OR5AR1: variants seen among roughly 807,000 people sequenced by gnomAD.
OR5AR1 encodes olfactory receptor 5AR1.
A neutral mutation model predicts 12.3 loss-of-function variants in OR5AR1; 19 were observed. The ratio of observed to expected loss-of-function variants is 1.55; its 90% confidence interval spans 1.08 to 2.27. The LOEUF (loss-of-function observed/expected upper bound fraction) is 2.27, where lower values mean the gene tolerates loss of function less well. OR5AR1 is among the 30% of genes most tolerant of loss of function. The pLI is 0.00. For missense variants in OR5AR1, 432 were observed against 378.4 expected (o/e 1.14, Z -1.18); for synonymous variants, 156 against 138.8 (o/e 1.12, Z -0.87).
At position 56,664,000 on chromosome 11, in the gene OR5AR1, AGGTTTTGT is replaced by A; in HGVS notation, c.318_325del (p.Phe107CysfsTer2). ...GTGCCACCCAGTTTGCTTTTTTTGT[AGGTTTTGT>A]GGATGCTGAGTGCTATGTCCTGGCA... On this transcript the variant is annotated frameshift_variant, in exon 1 of 1. Coordinates refer to ENST00000624596, the MANE Select transcript of OR5AR1 (RefSeq NM_001004730.1). LOFTEE classifies it high-confidence loss of function. 1 of 1,613,822 alleles carries A rather than the reference AGGTTTTGT, an allele frequency of 6.2e-7. No homozygotes were observed. The highest frequency in any genetic ancestry group is 8.5e-7 in the Non-Finnish European group (1 of 1,179,954).
Position 56,664,523 on chromosome 11 carries a change from G to T in OR5AR1, c.838G>T (p.Val280Phe). 2 of 1,614,010 alleles carry T rather than the reference G, an allele frequency of 1.2e-6. No individual in the cohort carries two copies. The highest frequency in any genetic ancestry group is 1.7e-6 in the Non-Finnish European group (2 of 1,179,976). ...CAAGTGGGCCTCTGTGTTCTACACG[G>T]TTATCATCCCCATGTTAAATCCCTT... ...QDKWASVFYT[V>F]IIPMLNPLIY... The change falls in exon 1 of 1, where the codon GTT becomes TTT. Residue 280 changes from valine (V) to phenylalanine (F), a missense_variant. By Grantham distance (50) the Val-to-Phe change is conservative. Transcript: ENST00000624596.
At position 56,664,448 on chromosome 11, in the gene OR5AR1, G is replaced by A; in HGVS notation, c.763G>A (p.Val255Ile). The A allele has an allele frequency of 6.2e-7, 1 of 1,614,132 alleles. No homozygotes were observed. Residue 255 changes from valine (V) to isoleucine (I), a missense_variant, in exon 1 of 1, where the codon GTC becomes ATC. By Grantham distance (29) the Val-to-Ile change is conservative. Coordinates refer to ENST00000624596, the MANE Select transcript of OR5AR1 (RefSeq NM_001004730.1). ...TGGCATCACCCTCTTCTATGGCACA[G>A]TCATGTTTATGTACCTGAGGCCAAC... ...LTGITLFYGT[V>I]MFMYLRPTSS...
In OR5AR1 at chr11:56,664,455, T is replaced by G; in HGVS notation, c.770T>G (p.Phe257Cys). The part of the protein sequence containing the change: ...GITLFYGTVM[F>C]MYLRPTSSYS... ...ACCCTCTTCTATGGCACAGTCATGT[T>G]TATGTACCTGAGGCCAACATCCAGC... The change falls in exon 1 of 1, where the codon TTT becomes TGT. Residue 257 changes from phenylalanine (F) to cysteine (C), a missense_variant. Transcript: ENST00000624596. 6.2e-7 allele frequency: 1 copy of G among 1,614,138 alleles called. No homozygotes were observed. The highest frequency in any genetic ancestry group is 8.5e-7 in the Non-Finnish European group (1 of 1,180,020).
chr11:56,664,221 G>A lies in OR5AR1; in HGVS notation c.536G>A (p.Cys179Tyr). The A allele has an allele frequency of 2.5e-6, 4 of 1,614,038 alleles. No homozygotes were observed. Among genetic ancestry groups the A allele is most frequent in the Non-Finnish European group, 2.5e-6 (3 of 1,180,002 alleles). The change falls in exon 1 of 1, where the codon TGC becomes TAC. Residue 179 changes from cysteine to tyrosine, a missense_variant. Coordinates refer to ENST00000624596, the MANE Select transcript of OR5AR1 (RefSeq NM_001004730.1). Reference sequence around the variant, plus strand: ...TCCAATATCATCAATCATTTCTTCTGCGAAATCCCACCACTCTTGGCCCTC... The same window carrying A: ...TCCAATATCATCAATCATTTCTTCTACGAAATCCCACCACTCTTGGCCCTC... ...CGSNIINHFF[C>Y]EIPPLLALSC...
chr11:56,664,573 T>A lies in OR5AR1; in HGVS notation c.888T>A (p.Asp296Glu), dbSNP rs748637725. 1 of 1,600,718 alleles carries A rather than the reference T, an allele frequency of 6.2e-7. No individual in the cohort carries two copies. Among genetic ancestry groups the A allele is most frequent in the Non-Finnish European group, 8.5e-7 (1 of 1,173,946 alleles). Reference protein sequence around the residue: ...NPLIYSLRNKDVKAAFKKLIG... With the variant: ...NPLIYSLRNKEVKAAFKKLIG... Reference sequence around the variant, plus strand: ...TGATCTACAGTTTGCGGAACAAGGATGTGAAAGCTGCTTTCAAAAAGCTAA... The same window carrying A: ...TGATCTACAGTTTGCGGAACAAGGAAGTGAAAGCTGCTTTCAAAAAGCTAA... Residue 296 changes from aspartate to glutamate, a missense_variant, in exon 1 of 1, where the codon GAT becomes GAA. Coordinates refer to ENST00000624596, the MANE Select transcript of OR5AR1 (RefSeq NM_001004730.1).
chr11:56,663,839 G>C lies in OR5AR1; in HGVS notation c.154G>C (p.Asp52His). ...TGGTATGATTATCCTGATTACAACA[G>C]ACACTCAGCTTCACACACCCATGTA... The part of the protein sequence containing the change: ...NIGMIILITT[D>H]TQLHTPMYFF... The change falls in exon 1 of 1, where the codon GAC becomes CAC. Residue 52 changes from aspartate to histidine, a missense_variant. Coordinates refer to ENST00000624596, the MANE Select transcript of OR5AR1 (RefSeq NM_001004730.1). The C allele has an allele frequency of 6.2e-7, 1 of 1,614,014 alleles. No homozygotes were observed. The highest frequency in any genetic ancestry group is 8.5e-7 in the Non-Finnish European group (1 of 1,179,948).
Position 56,664,079 on chromosome 11 carries a change from T to A in OR5AR1, c.394T>A (p.Tyr132Asn), listed in dbSNP as rs1229202181. Residue 132 changes from tyrosine to asparagine, a missense_variant, in exon 1 of 1, where the codon TAT (tyrosine) becomes AAT (asparagine). Coordinates refer to ENST00000624596, the MANE Select transcript of OR5AR1 (RefSeq NM_001004730.1). The part of the protein sequence containing the change: ...RFVAICRPLH[Y>N]STFMSKQVCL... The stretch of plus-strand genomic sequence containing the variant: ...TGTGGCCATTTGTCGACCCCTCCAC[T>A]ATAGCACCTTCATGTCCAAGCAGGT... 1 of 1,613,300 alleles carries A rather than the reference T, an allele frequency of 6.2e-7. No individual in the cohort carries two copies. The highest frequency in any genetic ancestry group is 1.3e-5 in the African/African-American group (1 of 74,800).
In OR5AR1 at chr11:56,664,343, T is replaced by G. The variant is rs758403935; in HGVS notation, c.658T>G (p.Phe220Val). 2 of 1,614,102 alleles carry G rather than the reference T, an allele frequency of 1.2e-6. No individual in the cohort carries two copies. The highest frequency in any genetic ancestry group is 1.7e-6 in the Non-Finnish European group (2 of 1,180,000). ...TILIIFISYT[F>V]ILVAIIRMRS... Reference sequence around the variant, plus strand: ...CCTCATCATCTTCATCTCCTATACCTTTATCCTTGTTGCAATCATCAGAAT... The same window carrying G: ...CCTCATCATCTTCATCTCCTATACCGTTATCCTTGTTGCAATCATCAGAAT... The change falls in exon 1 of 1, where the codon TTT becomes GTT. Residue 220 changes from phenylalanine to valine, a missense_variant. Phe to Val is a conservative substitution (Grantham distance 50). Transcript: ENST00000624596.
Position 56,663,869 on chromosome 11 carries a change from T to A in OR5AR1, c.184T>A (p.Phe62Ile). 1 of 1,614,118 alleles carries A rather than the reference T, an allele frequency of 6.2e-7. No homozygotes were observed. The highest frequency in any genetic ancestry group is 8.5e-7 in the Non-Finnish European group (1 of 1,180,018). Residue 62 changes from phenylalanine (F) to isoleucine (I), a missense_variant, in exon 1 of 1, where the codon TTC becomes ATC. Coordinates refer to ENST00000624596, the MANE Select transcript of OR5AR1 (RefSeq NM_001004730.1). ...DTQLHTPMYF[F>I]LCNLSFVDLG... The stretch of plus-strand genomic sequence containing the variant: ...TCAGCTTCACACACCCATGTATTTT[T>A]TCCTCTGCAACCTCTCCTTTGTTGA...
At position 56,664,050 on chromosome 11, in the gene OR5AR1, G is replaced by T. The variant is rs143043362; in HGVS notation, c.365G>T (p.Arg122Leu). Residue 122 changes from arginine to leucine, a missense_variant, in exon 1 of 1, where the codon CGT becomes CTT. Physicochemically the swap from Arg to Leu is moderately radical, Grantham distance 102. Transcript: ENST00000624596. ...CYVLAAMAYGRFVAICRPLHY... is the reference protein window; with the variant it reads ...CYVLAAMAYGLFVAICRPLHY... ...GTCCTGGCAGCCATGGCCTATGGTC[G>T]TTTTGTGGCCATTTGTCGACCCCTC... 1 of 1,613,856 alleles carries T rather than the reference G, an allele frequency of 6.2e-7. No individual in the cohort carries two copies. The highest frequency in any genetic ancestry group is 1.3e-5 in the African/African-American group (1 of 74,876).
chr11:56,664,301 A>G lies in OR5AR1; in HGVS notation c.616A>G (p.Ile206Val). Residue 206 changes from isoleucine to valine, a missense_variant, in exon 1 of 1, where the codon ATT becomes GTT. Coordinates refer to ENST00000624596, the MANE Select transcript of OR5AR1 (RefSeq NM_001004730.1). Reference sequence around the variant, plus strand: ...CTTGCTCTTCAGTCTGTGTGGCTTCATTGAATTCAGCACCATCCTCATCAT... The same window carrying G: ...CTTGCTCTTCAGTCTGTGTGGCTTCGTTGAATTCAGCACCATCCTCATCAT... ...EILLFSLCGF[I>V]EFSTILIIFI... The G allele has an allele frequency of 6.2e-7, 1 of 1,614,150 alleles. No homozygotes were observed. The highest frequency in any genetic ancestry group is 8.5e-7 in the Non-Finnish European group (1 of 1,180,010).
In OR5AR1 at chr11:56,664,220, T is replaced by A. The variant is rs766728062; in HGVS notation, c.535T>A (p.Cys179Ser). 6.2e-7 allele frequency: 1 copy of A among 1,614,164 alleles called. No individual in the cohort carries two copies. Among genetic ancestry groups the A allele is most frequent in the Admixed American group, 1.7e-5 (1 of 60,010 alleles). ...TTCCAATATCATCAATCATTTCTTCTGCGAAATCCCACCACTCTTGGCCCT... is the reference window on the plus strand; with the variant it reads ...TTCCAATATCATCAATCATTTCTTCAGCGAAATCCCACCACTCTTGGCCCT... Reference protein sequence around the residue: ...CGSNIINHFFCEIPPLLALSC... With the variant: ...CGSNIINHFFSEIPPLLALSC... The change falls in exon 1 of 1, where the codon TGC becomes AGC. Residue 179 changes from cysteine (C) to serine (S), a missense_variant. Physicochemically the swap from Cys to Ser is moderately radical, Grantham distance 112. Transcript: ENST00000624596.
rs778111859 is a variant in OR5AR1 at position 56,664,204 on chromosome 11, CATCA to C, written c.524_527del (p.Asn175IlefsTer85). 5 of 1,614,118 alleles carry C rather than the reference CATCA, an allele frequency of 3.1e-6. No individual in the cohort carries two copies. The highest frequency in any genetic ancestry group is 4.2e-6 in the Non-Finnish European group (5 of 1,180,022). On this transcript the variant is annotated frameshift_variant, in exon 1 of 1. Coordinates refer to ENST00000624596, the MANE Select transcript of OR5AR1 (RefSeq NM_001004730.1). LOFTEE classifies it high-confidence loss of function. ...GCCTGAGTTACTGTGGTTCCAATAT[CATCA>C]ATCATTTCTTCTGCGAAATCCCACC... is the stretch of plus-strand genomic sequence containing the variant.
chr11:56,664,023 A>C lies in OR5AR1; in HGVS notation c.338A>C (p.Tyr113Ser). Residue 113 changes from tyrosine to serine, a missense_variant, in exon 1 of 1, where the codon TAT (tyrosine) becomes TCT (serine). Coordinates refer to ENST00000624596, the MANE Select transcript of OR5AR1 (RefSeq NM_001004730.1). Reference protein sequence around the residue: ...FFVGFVDAECYVLAAMAYGRF... With the variant: ...FFVGFVDAECSVLAAMAYGRF... ...GTAGGTTTTGTGGATGCTGAGTGCT[A>C]TGTCCTGGCAGCCATGGCCTATGGT... is the stretch of plus-strand genomic sequence containing the variant. 6.2e-7 allele frequency: 1 copy of C among 1,613,864 alleles called. No homozygotes were observed. The highest frequency in any genetic ancestry group is 8.5e-7 in the Non-Finnish European group (1 of 1,179,960).
rs1410246231 is a variant in OR5AR1 at position 56,664,369 on chromosome 11, G to A, written c.684G>A (p.Met228Ile). The change falls in exon 1 of 1, where the codon ATG becomes ATA. Residue 228 changes from methionine to isoleucine, a missense_variant. Transcript: ENST00000624596. Reference protein sequence around the residue: ...YTFILVAIIRMRSAEGRLKAF... With the variant: ...YTFILVAIIRIRSAEGRLKAF... The stretch of plus-strand genomic sequence containing the variant: ...TTATCCTTGTTGCAATCATCAGAAT[G>A]CGTTCAGCTGAAGGCCGCCTTAAGG... The A allele has an allele frequency of 1.9e-6, 3 of 1,613,978 alleles. No individual in the cohort carries two copies. Among genetic ancestry groups the A allele is most frequent in the East Asian group, 4.5e-5 (2 of 44,846 alleles).
Position 56,664,522 on chromosome 11 carries a change from G to C in OR5AR1, c.837G>C (p.Thr279=). The change falls in exon 1 of 1, where the codon ACG becomes ACC. Residue 279 remains threonine, a synonymous_variant. Coordinates refer to ENST00000624596, the MANE Select transcript of OR5AR1 (RefSeq NM_001004730.1). ...DQDKWASVFY[T]VIIPMLNPLI... ...ACAAGTGGGCCTCTGTGTTCTACACGGTTATCATCCCCATGTTAAATCCCT... is the reference window on the plus strand; with the variant it reads ...ACAAGTGGGCCTCTGTGTTCTACACCGTTATCATCCCCATGTTAAATCCCT... 6.2e-7 allele frequency: 1 copy of C among 1,613,950 alleles called. No individual in the cohort carries two copies. Among genetic ancestry groups the C allele is most frequent in the Non-Finnish European group, 8.5e-7 (1 of 1,179,962 alleles).
Position 56,663,806 on chromosome 11 carries a change from G to C in OR5AR1, c.121G>C (p.Gly41Arg), listed in dbSNP as rs370489579. 1.2e-6 allele frequency: 2 copies of C among 1,613,604 alleles called. No individual in the cohort carries two copies. The highest frequency in any genetic ancestry group is 2.2e-5 in the South Asian group (2 of 91,068). Residue 41 changes from glycine to arginine, a missense_variant, in exon 1 of 1, where the codon GGG becomes CGG. By Grantham distance (125) the Gly-to-Arg change is moderately radical. Coordinates refer to ENST00000624596, the MANE Select transcript of OR5AR1 (RefSeq NM_001004730.1). ...CATAGTTTACCTGGTTAATGTAGTGGGGAATATTGGTATGATTATCCTGAT... is the reference window on the plus strand; with the variant it reads ...CATAGTTTACCTGGTTAATGTAGTGCGGAATATTGGTATGATTATCCTGAT... ...FLIVYLVNVVGNIGMIILITT... is the reference protein window; with the variant it reads ...FLIVYLVNVVRNIGMIILITT...
chr11:56,664,271 G>T lies in OR5AR1; in HGVS notation c.586G>T (p.Glu196Ter). 1.2e-6 allele frequency: 2 copies of T among 1,614,034 alleles called. No individual in the cohort carries two copies. Among genetic ancestry groups the T allele is most frequent in the Non-Finnish European group, 1.7e-6 (2 of 1,179,972 alleles). The stretch of plus-strand genomic sequence containing the variant: ...CTCTTGCTCAGACACCTACATCAGT[G>T]AGATCTTGCTCTTCAGTCTGTGTGG... ...ALSCSDTYIS[E>*]ILLFSLCGFI... Residue 196 changes from glutamate (E) to a stop codon, truncating the protein, a stop_gained, in exon 1 of 1, where the codon GAG becomes TAG. Coordinates refer to ENST00000624596, the MANE Select transcript of OR5AR1 (RefSeq NM_001004730.1). LOFTEE classifies it high-confidence loss of function.
In OR5AR1 at chr11:56,663,943, A is replaced by G. The variant is rs1270360938; in HGVS notation, c.258A>G (p.Leu86=). 1 of 1,613,940 alleles carries G rather than the reference A, an allele frequency of 6.2e-7. No homozygotes were observed. Among genetic ancestry groups the G allele is most frequent in the Non-Finnish European group, 8.5e-7 (1 of 1,179,972 alleles). The part of the protein sequence containing the change: ...AIAPRMLADF[L]TNHKVISFSS... Reference sequence around the variant, plus strand: ...CCCCCAGGATGCTGGCTGACTTCCTAACAAATCACAAAGTTATCTCCTTCT... The same window carrying G: ...CCCCCAGGATGCTGGCTGACTTCCTGACAAATCACAAAGTTATCTCCTTCT... Residue 86 remains leucine (L), a synonymous_variant, in exon 1 of 1, where the codon CTA becomes CTG. Coordinates refer to ENST00000624596, the MANE Select transcript of OR5AR1 (RefSeq NM_001004730.1).
Sources: allele counts gnomAD v4.1 joint callset, GRCh38; gene constraint gnomAD v4.1.1; transcripts MANE v1.5; gene names NCBI Gene and HGNC (gene_info 2026-07-23, HGNC 2026-07-21).